SNX32: variants seen among roughly 807,000 people sequenced by gnomAD.
The protein encoded by SNX32 is sorting nexin 32.
SNX32 carries 58 observed loss-of-function variants against 57.0 expected under a neutral mutation model. The ratio of observed to expected loss-of-function variants is 1.02; its 90% CI spans 0.82 to 1.27. The LOEUF (loss-of-function observed/expected upper bound fraction) is 1.27. Ranked by LOEUF, SNX32 falls within the 50% of genes most tolerant of loss-of-function variation. SNX32 has a pLI of 0.00. For synonymous variants in SNX32, 262 were observed against 220.4 expected, an observed-to-expected ratio of 1.19 and a Z score of -1.67; for missense variants, 589 against 541.2, an observed-to-expected ratio of 1.09 and a Z score of -0.88.
chr11:65,848,007 G>A (rs1859049825), intron 1 of SNX32, among the ~76,000 whole-genome samples: 1 of 152,188 alleles, frequency 6.6e-6, no homozygotes, highest in Non-Finnish European at 1.5e-5. Flanking sequence ...CCAGGAGGAG[G>A]GGACAGATGC....
rs370732198 is a variant in SNX32 at position 65,850,028 on chromosome 11, A to G, written c.250A>G (p.Ile84Val). The change falls in exon 3 of 13, where the codon ATC becomes GTC. Residue 84 changes from isoleucine to valine, a missense_variant and splice_region_variant. Transcript: ENST00000308342. ...YVENEEYAGL[I>V]IPPAPPRPDF... ...GGAGAATGAGGAGTACGCCGGCCTC[A>G]TCGTGAGGAGGGGCTGGGCAGGGGC... 1.2e-6 allele frequency: 2 copies of G among 1,614,102 alleles called. No homozygotes were observed. The highest frequency in any genetic ancestry group is 2.7e-5 in the African/African-American group (2 of 75,038).
rs1859299780 is a variant in SNX32 at position 65,853,559 on chromosome 11, C to T, written c.*224C>T. Reference sequence around the variant, plus strand: ...CATGGGCATCATAACTGGCCACAGTCAGCAGAGCCCCAGGGACCCTGACAC... The same window carrying T: ...CATGGGCATCATAACTGGCCACAGTTAGCAGAGCCCCAGGGACCCTGACAC... On this transcript the variant is annotated 3_prime_UTR_variant, in exon 13 of 13. Coordinates refer to ENST00000308342, the MANE Select transcript of SNX32 (RefSeq NM_152760.3). 1.7e-6 allele frequency: 1 copy of T among 590,050 alleles called. No homozygotes were observed. Among genetic ancestry groups the T allele is most frequent in the African/African-American group, 1.9e-5 (1 of 53,746 alleles). The allele number at this position is 590,050 out of a possible 1,614,324, so 36.6% of individuals were successfully genotyped here.
intron 2 of SNX32, 164 bp from the exon 3 acceptor site, chr11:65,849,756 C>T (rs1859108317): frequency 1.3e-6 from 1 of 759,218 alleles, no homozygotes; most frequent in Admixed American, 2.6e-5. Context: ...GCCCCGAGTC[C>T]TAATCATTCC....
intron 1 of SNX32, among the ~76,000 whole-genome samples, chr11:65,834,522 CTCTGTGTGTG>C (rs1415924764): frequency 2.1e-5 from 3 of 142,234 alleles, no homozygotes; most frequent in African/African-American, 8.0e-5. Context: ...CTGTGTCTGT[CTCTGTGTGTG>C]TCTGTGCATG....
Position 65,853,470 on chromosome 11 carries a change from A to G in SNX32, c.*135A>G. 2 of 895,302 alleles carry G rather than the reference A, an allele frequency of 2.2e-6. No homozygotes were observed. Among genetic ancestry groups the G allele is most frequent in the Non-Finnish European group, 3.6e-6 (2 of 563,282 alleles). The allele number at this position is 895,302 out of a possible 1,614,324, so 55.5% of individuals were successfully genotyped here. Reference sequence around the variant, plus strand: ...CCCTCACTCTGCCCCACATCCTCTCAGGGAAAGCCCAAACCCCCTATCACC... The same window carrying G: ...CCCTCACTCTGCCCCACATCCTCTCGGGGAAAGCCCAAACCCCCTATCACC... On this transcript the variant is annotated 3_prime_UTR_variant, in exon 13 of 13. Transcript: ENST00000308342.
intron 1 of SNX32, among the ~76,000 whole-genome samples, chr11:65,835,354 G>A (rs1858640650): frequency 2.0e-5 from 3 of 151,586 alleles, no homozygotes; most frequent in Admixed American, 1.3e-4. Flanking sequence ...AGGTGAGGGC[G>A]GGGAGGAGGG....
rs949331151 is a variant in SNX32 at position 65,834,002 on chromosome 11, G to A, written c.-64G>A. The A allele has an allele frequency of 1.3e-5, 20 of 1,534,870 alleles. No homozygotes were observed. Among genetic ancestry groups the A allele is most frequent in the Non-Finnish European group, 1.8e-5 (20 of 1,134,738 alleles). On this transcript the variant is annotated 5_prime_UTR_variant, in exon 1 of 13. Transcript: ENST00000308342. ...TCCTCACTCGGTCAGTTCCTCGGGC[G>A]AGTTACGGGGACGACCTGCGGGAGC...
chr11:65,849,441 A>G, intron 1 of SNX32, 37 bp from the exon 2 acceptor site: 1 of 1,522,998 alleles, frequency 6.6e-7, no homozygotes, highest in Non-Finnish European at 9.0e-7. Flanking sequence ...CAAAGGGGCC[A>G]TGCTCAGCCA....
chr11:65,834,033 G>A lies in SNX32; in HGVS notation c.-33G>A, dbSNP rs888210920. ...CGGGGACGACCTGCGGGAGCACGCGGGCAGTGGCCGGACGCTGAAGCCCAG... is the reference window on the plus strand; with the variant it reads ...CGGGGACGACCTGCGGGAGCACGCGAGCAGTGGCCGGACGCTGAAGCCCAG... On this transcript the variant is annotated 5_prime_UTR_variant, in exon 1 of 13. Coordinates refer to ENST00000308342, the MANE Select transcript of SNX32 (RefSeq NM_152760.3). 31 of 1,548,646 alleles carry A rather than the reference G, an allele frequency of 2.0e-5. No homozygotes were observed. In the African/African-American group the frequency reaches 4.0e-4, roughly 20 times the overall value.
In SNX32 at chr11:65,851,146, T is replaced by C. The variant is rs1224631868; in HGVS notation, c.695T>C (p.Met232Thr). ...RDACLRADRV[M>T]RAHKCLADDY... is the part of the protein sequence containing the mutation. ...GCCTGCCTGCGGGCCGACCGCGTCA[T>C]GCGCGCCCACAAGTGTACGCAGGGC... The change falls in exon 7 of 13, where the codon ATG becomes ACG. Residue 232 changes from methionine (M) to threonine (T), a missense_variant. Coordinates refer to ENST00000308342, the MANE Select transcript of SNX32 (RefSeq NM_152760.3). 4 of 1,612,646 alleles carry C rather than the reference T, an allele frequency of 2.5e-6. No individual in the cohort carries two copies. Among genetic ancestry groups the C allele is most frequent in the African/African-American group, 2.7e-5 (2 of 74,916 alleles).
intron 1 of SNX32, among the ~76,000 whole-genome samples, chr11:65,845,769 A>G (rs1474070094): frequency 6.6e-6 from 1 of 152,180 alleles, no homozygotes; most frequent in African/African-American, 2.4e-5. Context: ...TGTTCATGGC[A>G]GCTTTATTCA....
chr11:65,844,381 T>C (rs1858929027), intron 1 of SNX32, among the ~76,000 whole-genome samples: 1 of 151,908 alleles, frequency 6.6e-6, no homozygotes, highest in Non-Finnish European at 1.5e-5. Flanking sequence ...CTCCAGAGGA[T>C]TGCCTGAGCC....
Position 65,839,223 on chromosome 11 carries a change from GTATT to G in SNX32, c.36+5124_36+5127del, listed in dbSNP as rs1390907346. Among the ~76,000 whole-genome samples, 9 of 23,068 alleles carry G rather than the reference GTATT, an allele frequency of 3.9e-4. 2 individuals are homozygous for G. In the Middle Eastern group the frequency reaches 0.075, roughly 192 times the overall value. The allele number at this position is 23,068 out of a possible 152,430, so 15.1% of individuals were successfully genotyped here. A position where few individuals can be genotyped will look rare whatever the true frequency, so the allele number is the denominator to read the frequency against. ...CCCACCACGCCCAGCTAATTTTTTT[GTATT>G]TTTTTTTTTTTTTTTTTTTTGAGAC... On this transcript the variant is annotated intron_variant, in intron 1 of 12. Transcript: ENST00000308342.
chr11:65,852,525 T>C lies in SNX32; in HGVS notation c.886T>C (p.Tyr296His), dbSNP rs1044168082. Residue 296 changes from tyrosine (Y) to histidine (H), a missense_variant, in exon 10 of 13, where the codon TAC becomes CAC. Physicochemically the swap from Tyr to His is moderately conservative, Grantham distance 83. Transcript: ENST00000308342. The part of the protein sequence containing the change: ...DLKLSDMLRY[Y>H]MRDSQAAKDL... ...GAAGCTGTCAGACATGCTGAGGTAC[T>C]ACATGCGTGACTCACAGGCAGCCAA... 1 of 1,614,212 alleles carries C rather than the reference T, an allele frequency of 6.2e-7. No individual in the cohort carries two copies. Among genetic ancestry groups the C allele is most frequent in the South Asian group, 1.1e-5 (1 of 91,090 alleles).
At chr11:65,835,720 C>G (rs1164931784) in intron 1 of SNX32, 1 of 152,170 alleles carries the variant, frequency 6.6e-6, no homozygotes, top group African/African-American at 2.4e-5. Context: ...AGGCTGGGGA[C>G]TAGGGGACCT....
At chr11:65,848,017 C>T (rs1435962581) in intron 1 of SNX32, among the ~76,000 whole-genome samples, 1 of 152,136 alleles carries the variant, frequency 6.6e-6, no homozygotes, top group African/African-American at 2.4e-5. Flanking sequence ...GGGACAGATG[C>T]AGGGATCTCC....
Position 65,852,508 on chromosome 11 carries a change from C to A in SNX32, c.869C>A (p.Ser290Ter). 1 of 1,614,208 alleles carries A rather than the reference C, an allele frequency of 6.2e-7. No individual in the cohort carries two copies. Among genetic ancestry groups the A allele is most frequent in the South Asian group, 1.1e-5 (1 of 91,076 alleles). ...RVASDEDLKL[S>*]DMLRYYMRDS... ...GCTTCCGATGAGGACCTGAAGCTGT[C>A]AGACATGCTGAGGTACTACATGCGT... Residue 290 changes from serine (S) to a stop codon, truncating the protein, a stop_gained, in exon 10 of 13, where the codon TCA (serine) becomes TAA (stop). Transcript: ENST00000308342. LOFTEE classifies it high-confidence loss of function.
chr11:65,834,319 GTGTA>G (rs1414591993), intron 1 of SNX32, among the ~76,000 whole-genome samples: 6 of 151,382 alleles, frequency 4.0e-5, no homozygotes, highest in Admixed American at 3.3e-4. Context: ...GTGTGTATCT[GTGTA>G]TGTCTGTATT....
chr11:65,852,339 C>G, intron 9 of SNX32, 126 bp from the exon 10 acceptor site: 1 of 846,262 alleles, frequency 1.2e-6, no homozygotes. Context: ...CACCCCTCAA[C>G]ACCAGACCTG....
Sources: allele counts gnomAD v4.1 joint callset (sites outside exome capture counted in the v4.1 genomes callset), GRCh38; gene constraint gnomAD v4.1.1; transcripts MANE v1.5; gene names NCBI Gene and HGNC (gene_info 2026-07-23, HGNC 2026-07-21).